The following TMTC3 variants were observed in gnomAD, a reference collection of about 807,000 sequenced individuals.
TMTC3 encodes transmembrane O-mannosyltransferase targeting cadherins 3, also known as protein O-mannosyl-transferase TMTC3.
A neutral mutation model predicts 92.2 loss-of-function variants in TMTC3; 52 were observed. The ratio of observed to expected loss-of-function variants is 0.56; its 90% CI spans 0.45 to 0.71. The LOEUF (loss-of-function observed/expected upper bound fraction) is 0.71, where lower values mean the gene tolerates loss of function less well. Ranked by LOEUF, TMTC3 falls within the 30% of genes least tolerant of loss-of-function variation. The probability of loss-of-function intolerance (pLI) is 0.00; values close to 1 mark genes in which losing one functional copy is unlikely to be tolerated. For synonymous variants in TMTC3, 339 were observed against 363.3 expected, an observed-to-expected ratio of 0.93 and a Z score of 0.76; for missense variants, 896 against 1,057.1, an observed-to-expected ratio of 0.85 and a Z score of 2.11.
chr12:88,199,160 C>A lies in TMTC3; in HGVS notation c.*3511C>A, dbSNP rs1039068085. On this transcript the variant is annotated 3_prime_UTR_variant, in exon 14 of 14. Transcript: ENST00000266712. ...ATTAAATAAGTTTCTGAGAGTGATA[C>A]ATTTTCAAACATGAGGAGTGACAAC... The A allele has an allele frequency of 1.3e-5, 2 of 151,906 alleles. No homozygotes were observed. The highest frequency in any genetic ancestry group is 4.1e-4 in the South Asian group (2 of 4,830). 9.4% of individuals were successfully genotyped at this position (151,906 alleles called of 1,614,324 possible). A position where few individuals can be genotyped will look rare whatever the true frequency, so the allele number is the denominator to read the frequency against.
intron 1 of TMTC3, among the ~76,000 whole-genome samples, chr12:88,143,782 A>G (rs2040826779): frequency 6.6e-6 from 1 of 152,216 alleles, no homozygotes; most frequent in South Asian, 2.1e-4. Context: ...TCTCGCCAAG[A>G]AAGAATTGGA....
At chr12:88,146,543 G>A (rs2040876084) in intron 1 of TMTC3, among the ~76,000 whole-genome samples, 1 of 151,428 alleles carries the variant, frequency 6.6e-6, no homozygotes, top group South Asian at 2.1e-4. Context: ...AAGCACATGA[G>A]TGACCCCAGG....
Position 88,158,827 on chromosome 12 carries a change from G to A in TMTC3, c.509-1287G>A, listed in dbSNP as rs571030404. On this transcript the variant is annotated intron_variant, in intron 4 of 13. Coordinates refer to ENST00000266712, the MANE Select transcript of TMTC3 (RefSeq NM_181783.4). The stretch of plus-strand genomic sequence containing the variant: ...AGCACTTTGGGAGGCCGAGGTGGGC[G>A]GATCAGCTGAGGTCGGGAGTTCAAG... Among the ~76,000 whole-genome samples, 447 of 152,038 alleles carry A rather than the reference G, an allele frequency of 2.9e-3. 3 individuals carry two copies. The highest frequency in any genetic ancestry group is 8.0e-3 in the African/African-American group (331 of 41,508).
At position 88,192,775 on chromosome 12, in the gene TMTC3, A is replaced by G. The variant is rs534808672; in HGVS notation, c.1878A>G (p.Leu626=). The G allele has an allele frequency of 6.2e-7, 1 of 1,613,408 alleles. No individual in the cohort carries two copies. Among genetic ancestry groups the G allele is most frequent in the South Asian group, 1.1e-5 (1 of 91,076 alleles). ...ALKNFNRALE[L]NPKHKLALFN... is the part of the protein sequence containing the mutation. ...AAAACTTTAATCGTGCTCTGGAACT[A>G]AATCCAAAGCATAAACTAGCATTAT... is the stretch of plus-strand genomic sequence containing the variant. Residue 626 remains leucine (L), a synonymous_variant, in exon 13 of 14, where the codon CTA becomes CTG. Transcript: ENST00000266712.
rs2041010939 is a variant in TMTC3, at chr12:88,156,480, C to T, written c.508+2093C>T. Among the ~76,000 whole-genome samples the T allele has an allele frequency of 3.3e-5, 5 of 152,210 alleles. No homozygotes were observed. In the South Asian group the frequency reaches 1.0e-3, roughly 32 times the overall value. ...ATTAAGAGGCCAGTCCACCATCCCT[C>T]TGCATTTAAATGGTAGCTCTGTAGA... On this transcript the variant is annotated intron_variant, in intron 4 of 13. Coordinates refer to ENST00000266712, the MANE Select transcript of TMTC3 (RefSeq NM_181783.4).
chr12:88,157,055 G>A lies in TMTC3; in HGVS notation c.508+2668G>A, dbSNP rs558152289. On this transcript the variant is annotated intron_variant, in intron 4 of 13. Coordinates refer to ENST00000266712, the MANE Select transcript of TMTC3 (RefSeq NM_181783.4). ...GTTTATTGCTTTCTCACAATAGAAC[G>A]TGACCTTCCTTAGGGTAGGTAACTT... Among the ~76,000 whole-genome samples the A allele has an allele frequency of 6.6e-5, 10 of 152,038 alleles. No homozygotes were observed. In the South Asian group the frequency reaches 1.9e-3, roughly 28 times the overall value.
intron 6 of TMTC3, among the ~76,000 whole-genome samples, chr12:88,164,105 G>A (rs755412338): frequency 7.4e-5 from 11 of 147,660 alleles, no homozygotes; most frequent in Admixed American, 1.4e-4. Flanking sequence ...CACAAGAATC[G>A]TTTGAACCTG....
intron 2 of TMTC3, among the ~76,000 whole-genome samples, chr12:88,152,991 CTT>C (rs760047492): frequency 6.6e-6 from 1 of 152,002 alleles, no homozygotes. Flanking sequence ...CCGGCATTGT[CTT>C]TTTTTAAAAT....
intron 2 of TMTC3, among the ~76,000 whole-genome samples, chr12:88,149,749 A>G (rs1592721665): frequency 6.6e-6 from 1 of 152,206 alleles, no homozygotes; most frequent in African/African-American, 2.4e-5. Flanking sequence ...GATCACAAGC[A>G]CATATAATTA....
intron 10 of TMTC3, among the ~76,000 whole-genome samples, chr12:88,177,221 G>T (rs1453038292): frequency 1.3e-5 from 2 of 151,806 alleles, no homozygotes; most frequent in African/African-American, 4.8e-5. Flanking sequence ...AGCTACTTAG[G>T]TGGCTGAGGC....
chr12:88,172,978 C>A, intron 8 of TMTC3: 1 of 1,423,144 alleles, frequency 7.0e-7, no homozygotes, highest in Non-Finnish European at 9.3e-7. Context: ...TGAGACAGAA[C>A]AAACTTTGAG....
At chr12:88,160,635 A>G (rs2041065255) in intron 5 of TMTC3, 44 bp from the exon 6 acceptor site, 1 of 1,542,398 alleles carries the variant, frequency 6.5e-7, no homozygotes, top group South Asian at 1.1e-5. Flanking sequence ...AAACATTGAG[A>G]TATGTCGTTA....
Position 88,196,659 on chromosome 12 carries a change from A to G in TMTC3, c.*1010A>G, listed in dbSNP as rs984761458. ...ACAACGTGACAGTTTATTTTCAAAC[A>G]CTAACTTCTTGATATTTTGTTATGG... On this transcript the variant is annotated 3_prime_UTR_variant, in exon 14 of 14. Transcript: ENST00000266712. 4.6e-5 allele frequency: 7 copies of G among 151,970 alleles called. No homozygotes were observed. Among genetic ancestry groups the G allele is most frequent in the Admixed American group, 2.6e-4 (4 of 15,246 alleles). The allele number at this position is 151,970 out of a possible 1,614,324, so 9.4% of individuals were successfully genotyped here.
Position 88,148,236 on chromosome 12 carries a change from C to T in TMTC3, c.-28-52C>T, listed in dbSNP as rs568811418. On this transcript the variant is annotated intron_variant, in intron 1 of 13. Transcript: ENST00000266712. ...TACTTACCCACCTACTAAAATTGAA[C>T]TTACTTGGAATAAATATGTTCCTTA... 4.6e-5 allele frequency: 57 copies of T among 1,230,732 alleles called. No individual in the cohort carries two copies. In the African/African-American group the frequency reaches 6.8e-4, roughly 15 times the overall value. 76.2% of individuals were successfully genotyped at this position (1,230,732 alleles called of 1,614,324 possible).
intron 6 of TMTC3, among the ~76,000 whole-genome samples, chr12:88,162,469 GCT>G (rs1468513986): frequency 3.3e-5 from 5 of 152,018 alleles, no homozygotes; most frequent in African/African-American, 1.2e-4. Flanking sequence ...TTGCACTGAT[GCT>G]CTGTTTTTTT....
Position 88,195,600 on chromosome 12 carries a change from C to CT in TMTC3, c.2697dup (p.Ala900CysfsTer9), listed in dbSNP as rs2041502738. 1.2e-6 allele frequency: 2 copies of CT among 1,602,730 alleles called. No individual in the cohort carries two copies. The highest frequency in any genetic ancestry group is 1.7e-6 in the Non-Finnish European group (2 of 1,177,160). On this transcript the variant is annotated frameshift_variant, in exon 14 of 14. Coordinates refer to ENST00000266712, the MANE Select transcript of TMTC3 (RefSeq NM_181783.4). LOFTEE classifies it high-confidence loss of function. Reference sequence around the variant, plus strand: ...AAAGAAATTGAGAAGAAAAGAGTTGCTGCTTTAAAAAGACTAGAAGAGATT... The same window carrying CT: ...AAAGAAATTGAGAAGAAAAGAGTTGCTTGCTTTAAAAAGACTAGAAGAGATT...
In TMTC3 at chr12:88,166,428, A is replaced by G. The variant is rs756607630; in HGVS notation, c.896A>G (p.Glu299Gly). 2.5e-6 allele frequency: 4 copies of G among 1,613,916 alleles called. No homozygotes were observed. In the South Asian group the frequency reaches 4.4e-5, roughly 18 times the overall value. ...VNAWLLLNPS[E>G]LCCDWTMGTI... ...GCTTGGTTGTTATTAAATCCTTCAGAGCTCTGCTGTGATTGGACCATGGGA... is the reference window on the plus strand; with the variant it reads ...GCTTGGTTGTTATTAAATCCTTCAGGGCTCTGCTGTGATTGGACCATGGGA... The change falls in exon 7 of 14, where the codon GAG becomes GGG. Residue 299 changes from glutamate (E) to glycine (G), a missense_variant. Coordinates refer to ENST00000266712, the MANE Select transcript of TMTC3 (RefSeq NM_181783.4).
Position 88,190,472 on chromosome 12 carries a change from A to G in TMTC3, c.1556A>G (p.Tyr519Cys). The G allele has an allele frequency of 1.2e-6, 2 of 1,613,498 alleles. No homozygotes were observed. Among genetic ancestry groups the G allele is most frequent in the South Asian group, 1.1e-5 (1 of 91,014 alleles). Residue 519 changes from tyrosine to cysteine, a missense_variant, in exon 12 of 14, where the codon TAT (tyrosine) becomes TGT (cysteine). By Grantham distance (194) the Tyr-to-Cys change is radical. Coordinates refer to ENST00000266712, the MANE Select transcript of TMTC3 (RefSeq NM_181783.4). ...LMPQIIPGKK[Y>C]AARIAPNHLN... The stretch of plus-strand genomic sequence containing the variant: ...AAACAGATTATTCCTGGTAAAAAAT[A>G]TGCAGCCAGAATTGCCCCTAACCAC...
chr12:88,162,200 C>T (rs1193178385), intron 6 of TMTC3, among the ~76,000 whole-genome samples: 5 of 152,088 alleles, frequency 3.3e-5, no homozygotes, highest in African/African-American at 1.2e-4. Context: ...GGGAAAACCT[C>T]TATCATCCTT....
Sources: allele counts gnomAD v4.1 joint callset (sites outside exome capture counted in the v4.1 genomes callset), GRCh38; gene constraint gnomAD v4.1.1; transcripts MANE v1.5; gene names NCBI Gene and HGNC (gene_info 2026-07-23, HGNC 2026-07-21).